Variants in PCGF5 observed in about 807,000 individuals in gnomAD.
PCGF5 encodes the protein polycomb group RING finger protein 5.
In PCGF5, 9 loss-of-function variants were observed where a neutral mutation model predicts 44.3. The ratio of observed to expected loss-of-function variants is 0.20; its 90% CI spans 0.12 to 0.35. The LOEUF (loss-of-function observed/expected upper bound fraction) is 0.35, where lower values mean the gene tolerates loss of function less well. Among genes scored for constraint, PCGF5 ranks in the 10% least tolerant of loss-of-function variants. The pLI, the probability that PCGF5 is intolerant of heterozygous loss-of-function variation, is 1.00. For synonymous variants in PCGF5, 95 were observed against 102.5 expected, an observed-to-expected ratio of 0.93 and a Z score of 0.44; for missense variants, 146 against 305.3, an observed-to-expected ratio of 0.48 and a Z score of 3.89.
chr10:91,259,748 G>A (rs1409522075), intron 6 of PCGF5, among the ~76,000 whole-genome samples: 2 of 152,146 alleles, frequency 1.3e-5, no homozygotes, highest in East Asian at 3.9e-4. Flanking sequence ...AAATGGTGCT[G>A]GGAAAACTGG....
intron 5 of PCGF5, among the ~76,000 whole-genome samples, chr10:91,250,543 A>G (rs1187931640): frequency 7.0e-6 from 1 of 142,024 alleles, no homozygotes; most frequent in East Asian, 2.0e-4. Flanking sequence ...CCATACCCTG[A>G]CCACTGTGAG....
intron 1 of PCGF5, among the ~76,000 whole-genome samples, chr10:91,173,326 A>G (rs1464914732): frequency 1.3e-5 from 2 of 152,244 alleles, no homozygotes; most frequent in African/African-American, 4.8e-5. Context: ...AATTCTGGCC[A>G]AGTGAGATTA....
At position 91,238,601 on chromosome 10, in the gene PCGF5, C is replaced by CTTTTTTTTTTTTTTTTTTTTTTTT. The variant is rs71487496; in HGVS notation, c.113-1876_113-1853dup. Among the ~76,000 whole-genome samples the CTTTTTTTTTTTTTTTTTTTTTTTT allele has an allele frequency of 3.1e-4, 18 of 58,486 alleles. 1 individual carries two copies. Among genetic ancestry groups the CTTTTTTTTTTTTTTTTTTTTTTTT allele is most frequent in the South Asian group, 7.9e-4 (1 of 1,264 alleles). 38.4% of individuals were successfully genotyped at this position (58,486 alleles called of 152,430 possible). A position where few individuals can be genotyped will look rare whatever the true frequency, so the allele number is the denominator to read the frequency against. ...CTCTCATTTCTTTCTTTCTTTCTTT[C>CTTTTTTTTTTTTTTTTTTTTTTTT]TTTTTTTTTTTTTTTTTTTTTTTTT... On this transcript the variant is annotated intron_variant, in intron 2 of 9. Coordinates refer to ENST00000336126, the MANE Select transcript of PCGF5 (RefSeq NM_032373.5).
upstream of PCGF5, among the ~76,000 whole-genome samples, chr10:91,160,924 C>A (rs1843372035): frequency 6.6e-6 from 1 of 152,204 alleles, no homozygotes; most frequent in Admixed American, 6.5e-5. Flanking sequence ...GGCTCTCAGA[C>A]CCATTCTCCT....
chr10:91,222,143 G>A (rs531470617), intron 1 of PCGF5, among the ~76,000 whole-genome samples: 91 of 152,282 alleles, frequency 6.0e-4, no homozygotes, highest in Middle Eastern at 3.4e-3. Context: ...ACTGACATTC[G>A]TTGATAAGAA....
At chr10:91,232,383 A>G (rs1195811927) in intron 2 of PCGF5, among the ~76,000 whole-genome samples, 1 of 152,224 alleles carries the variant, frequency 6.6e-6, no homozygotes, top group Non-Finnish European at 1.5e-5. Flanking sequence ...GTGAAAAAAG[A>G]ATGGGAAGAG....
At chr10:91,222,053 T>C (rs943890496) in intron 1 of PCGF5, among the ~76,000 whole-genome samples, 6 of 152,052 alleles carry the variant, frequency 3.9e-5, no homozygotes, top group African/African-American at 1.4e-4. Flanking sequence ...AGAAAGTTGT[T>C]GAAGGGTATA....
intron 2 of PCGF5, chr10:91,227,653 T>TTA: frequency 8.9e-7 from 1 of 1,123,374 alleles, no homozygotes; most frequent in South Asian, 2.1e-5. Context: ...CTTACTGTCT[T>TTA]TATCATTATC....
At chr10:91,266,908 C>A (rs1846059553) in intron 8 of PCGF5, among the ~76,000 whole-genome samples, 2 of 152,128 alleles carry the variant, frequency 1.3e-5, no homozygotes, top group Admixed American at 1.3e-4. Context: ...TAGCAAGGCT[C>A]TGTGCCACCA....
At chr10:91,261,525 G>A (rs938895851) in intron 7 of PCGF5, 101 bp downstream of exon 7, 2 of 1,254,648 alleles carry the variant, frequency 1.6e-6, no homozygotes, top group Non-Finnish European at 2.0e-6. Context: ...ATTAATTTTT[G>A]TGGAAACTTT....
rs145534771 is a variant in PCGF5, at chr10:91,244,117, G to C, written c.209+3537G>C. Among the ~76,000 whole-genome samples, 558 of 152,318 alleles carry C rather than the reference G, an allele frequency of 3.7e-3. 2 individuals carry two copies. Among genetic ancestry groups the C allele is most frequent in the Non-Finnish European group, 5.5e-3 (375 of 68,020 alleles). ...ATATAATAAGTAATTTATATGGTAT[G>C]TTAGAAAGTGAAAATTGCAAAGGCA... On this transcript the variant is annotated intron_variant, in intron 3 of 9. Coordinates refer to ENST00000336126, the MANE Select transcript of PCGF5 (RefSeq NM_032373.5).
At chr10:91,246,704 G>A (rs573944789) in intron 3 of PCGF5, among the ~76,000 whole-genome samples, 1 of 152,216 alleles carries the variant, frequency 6.6e-6, no homozygotes, top group East Asian at 1.9e-4. Context: ...ATGTGTAAAT[G>A]AAGGGAAAGA....
chr10:91,220,596 G>T (rs1305064075), upstream of PCGF5: 1 of 150,212 alleles, frequency 6.7e-6, no homozygotes, highest in Non-Finnish European at 1.5e-5. Flanking sequence ...GGTGCCGCCG[G>T]TTGGAAGTGG....
chr10:91,264,181 G>A (rs561836277), intron 7 of PCGF5, among the ~76,000 whole-genome samples: 1 of 152,122 alleles, frequency 6.6e-6, no homozygotes, highest in Non-Finnish European at 1.5e-5. Context: ...TAAATTATGT[G>A]TATGAACTTG....
At chr10:91,242,315 A>G (rs908872615) in intron 3 of PCGF5, among the ~76,000 whole-genome samples, 4 of 151,770 alleles carry the variant, frequency 2.6e-5, no homozygotes, top group African/African-American at 9.7e-5. Flanking sequence ...TTTTCTCTCA[A>G]GTAATTCTTT....
At chr10:91,224,797 A>C (rs1016409453) in intron 2 of PCGF5, among the ~76,000 whole-genome samples, 1 of 152,208 alleles carries the variant, frequency 6.6e-6, no homozygotes, top group African/African-American at 2.4e-5. Context: ...CAAGGCTATA[A>C]GATATGAAAT....
chr10:91,166,556 A>T (rs1271893747), intron 1 of PCGF5, among the ~76,000 whole-genome samples: 1 of 152,102 alleles, frequency 6.6e-6, no homozygotes, highest in South Asian at 2.1e-4. Flanking sequence ...TTTTTTTTAA[A>T]GTCTTAAAAC....
chr10:91,265,752 A>G (rs1048406001), intron 8 of PCGF5, among the ~76,000 whole-genome samples: 1 of 152,190 alleles, frequency 6.6e-6, no homozygotes, highest in African/African-American at 2.4e-5. Flanking sequence ...ATAATAATAA[A>G]TGAAGCACCT....
At chr10:91,244,261 T>G (rs914030837) in intron 3 of PCGF5, among the ~76,000 whole-genome samples, 2 of 152,138 alleles carry the variant, frequency 1.3e-5, no homozygotes, top group Admixed American at 1.3e-4. Context: ...AAGCGAAGAC[T>G]TGGAGACTGT....
Sources: allele counts gnomAD v4.1 joint callset (sites outside exome capture counted in the v4.1 genomes callset), GRCh38; gene constraint gnomAD v4.1.1; transcripts MANE v1.5; gene names NCBI Gene and HGNC (gene_info 2026-07-23, HGNC 2026-07-21).